GAPVD1: variants seen among roughly 807,000 people sequenced by gnomAD.
GAPVD1 encodes GTPase-activating protein and VPS9 domain-containing protein 1.
GAPVD1 carries 35 observed loss-of-function variants against 155.5 expected under a neutral mutation model. The observed-to-expected ratio is 0.23, with a 90% CI of 0.17 to 0.30. GAPVD1 has a LOEUF of 0.30. Ranked by LOEUF, GAPVD1 falls within the 10% of genes least tolerant of loss-of-function variation. The pLI is 1.00. For missense variants in GAPVD1, 1,429 were observed against 1,775.7 expected (o/e 0.80, Z 3.51); for synonymous variants, 636 against 619.7 (o/e 1.03, Z -0.39).
intron 2 of GAPVD1, among the ~76,000 whole-genome samples, chr9:125,287,205 G>A (rs933194322): frequency 2.6e-5 from 4 of 152,024 alleles, no homozygotes; most frequent in Admixed American, 2.6e-4. Flanking sequence ...CTGCATGAGA[G>A]GGGGCCAGAT....
chr9:125,355,906 C>T, intron 25 of GAPVD1, 49 bp downstream of exon 25: 2 of 1,004,438 alleles, frequency 2.0e-6, no homozygotes, highest in Non-Finnish European at 3.2e-6. Flanking sequence ...TAGGGATCTA[C>T]CAGGTAGCCC....
At chr9:125,337,829 A>T (rs992715869) in intron 17 of GAPVD1, among the ~76,000 whole-genome samples, 1 of 152,128 alleles carries the variant, frequency 6.6e-6, no homozygotes, top group Non-Finnish European at 1.5e-5. Context: ...GCAATTTTGT[A>T]TCTGATTTTA....
Position 125,337,070 on chromosome 9 carries a change from G to T in GAPVD1, c.2481G>T (p.Met827Ile). 2 of 1,613,272 alleles carry T rather than the reference G, an allele frequency of 1.2e-6. No individual in the cohort carries two copies. Among genetic ancestry groups the T allele is most frequent in the Non-Finnish European group, 1.7e-6 (2 of 1,179,232 alleles). Residue 827 changes from methionine to isoleucine, a missense_variant, in exon 16 of 28, where the codon ATG becomes ATT. Physicochemically the swap from Met to Ile is conservative, Grantham distance 10 (BLOSUM62 1). Around this residue, in one of 4 missense-constraint regions of GAPVD1, gnomAD observed 699 missense variants for 826.0 expected, o/e 0.85. Coordinates refer to ENST00000297933, the MANE Select transcript of GAPVD1 (RefSeq NM_001282680.3). ...PPSQSESLLA[M>I]FDPLSSHEGA... is the part of the protein sequence containing the mutation. ...CTCAGTCAGAGTCTCTGCTGGCCAT[G>T]TTTGATCCACTGTCTTCACATGAAG...
chr9:125,345,267 A>T (rs189887450), intron 19 of GAPVD1, among the ~76,000 whole-genome samples: 1 of 149,128 alleles, frequency 6.7e-6, no homozygotes, highest in Non-Finnish European at 1.5e-5. Flanking sequence ...TGCAATCTCT[A>T]TCTCCTGGGT....
Position 125,302,111 on chromosome 9 carries a change from A to G in GAPVD1, c.314A>G (p.Glu105Gly). ...GGAGAATTCTTGAGTCGATTGAGGGAAAATCCTCGTCTTATTGCCTCCTCT... is the reference window on the plus strand; with the variant it reads ...GGAGAATTCTTGAGTCGATTGAGGGGAAATCCTCGTCTTATTGCCTCCTCT... ...AYGEFLSRLR[E>G]NPRLIASSLV... The change falls in exon 5 of 28, where the codon GAA (glutamate) becomes GGA (glycine). Residue 105 changes from glutamate to glycine, a missense_variant. Coordinates refer to ENST00000297933, the MANE Select transcript of GAPVD1 (RefSeq NM_001282680.3). 6.2e-7 allele frequency: 1 copy of G among 1,613,952 alleles called. No homozygotes were observed. The highest frequency in any genetic ancestry group is 2.2e-5 in the East Asian group (1 of 44,862).
intron 2 of GAPVD1, among the ~76,000 whole-genome samples, chr9:125,277,896 G>A (rs1311615955): frequency 2.0e-5 from 3 of 151,962 alleles, no homozygotes; most frequent in African/African-American, 4.8e-5. Context: ...TTGAACTACT[G>A]TACTCAAGTG....
intron 12 of GAPVD1, 63 bp from the exon 13 acceptor site, chr9:125,330,015 C>T (rs369181195): frequency 4.3e-6 from 6 of 1,398,120 alleles, no homozygotes; most frequent in Non-Finnish European, 5.9e-6. Flanking sequence ...TGGCTTTTCT[C>T]CACTATCACT....
At chr9:125,324,911 T>C (rs1033808936) in intron 11 of GAPVD1, among the ~76,000 whole-genome samples, 7 of 151,964 alleles carry the variant, frequency 4.6e-5, no homozygotes, top group Non-Finnish European at 8.8e-5. Context: ...TGAAAGAGTT[T>C]TTTGGATTTG....
chr9:125,300,378 C>T (rs1057264742), intron 4 of GAPVD1, among the ~76,000 whole-genome samples: 2 of 151,282 alleles, frequency 1.3e-5, no homozygotes, highest in South Asian at 4.2e-4. Flanking sequence ...GACGGGGTTT[C>T]ACCATGTTGG....
intron 13 of GAPVD1, 99 bp from the exon 14 acceptor site, chr9:125,331,827 T>C: frequency 9.5e-7 from 1 of 1,049,630 alleles, no homozygotes; most frequent in South Asian, 1.3e-5. Flanking sequence ...ACTGATTTTA[T>C]TCATGCCCTG....
intron 2 of GAPVD1, among the ~76,000 whole-genome samples, chr9:125,272,032 CT>C (rs1358726675): frequency 6.6e-6 from 1 of 151,188 alleles, no homozygotes; most frequent in East Asian, 1.9e-4. Context: ...TACATTAATT[CT>C]TTTTTTTTGA....
In GAPVD1 at chr9:125,312,541, C is replaced by A; in HGVS notation, c.1531C>A (p.Pro511Thr). 1 of 1,610,372 alleles carries A rather than the reference C, an allele frequency of 6.2e-7. No individual in the cohort carries two copies. Among genetic ancestry groups the A allele is most frequent in the Non-Finnish European group, 8.5e-7 (1 of 1,178,566 alleles). ...TCAAGAAACCATTCAGGAGGTGCAA[C>A]CAGAAGAGGTGTTGGTCATTTCCTT... ...SSQETIQEVQ[P>T]EEVLVISLGT... Residue 511 changes from proline to threonine, a missense_variant, in exon 9 of 28, where the codon CCA (proline) becomes ACA (threonine). Transcript: ENST00000297933.
intron 13 of GAPVD1, among the ~76,000 whole-genome samples, chr9:125,331,562 T>C (rs945575265): frequency 3.3e-5 from 5 of 152,148 alleles, no homozygotes; most frequent in African/African-American, 4.8e-5. Flanking sequence ...TTGGGGACAA[T>C]AGGATTAGCT....
At position 125,366,739 on chromosome 9, in the gene GAPVD1, T is replaced by G. The variant is rs1273158156; in HGVS notation, c.*3993T>G. 1 of 152,172 alleles carries G rather than the reference T, an allele frequency of 6.6e-6. No homozygotes were observed. Among genetic ancestry groups the G allele is most frequent in the Non-Finnish European group, 1.5e-5 (1 of 68,038 alleles). The allele number at this position is 152,172 out of a possible 1,614,324, so 9.4% of individuals were successfully genotyped here. A position where few individuals can be genotyped will look rare whatever the true frequency, so the allele number is the denominator to read the frequency against. ...CAGGTTAAAAATTACTTAATATATT[T>G]TAGAATGTAGGTTAGAAAGTAGTAG... On this transcript the variant is annotated 3_prime_UTR_variant, in exon 28 of 28. Coordinates refer to ENST00000297933, the MANE Select transcript of GAPVD1 (RefSeq NM_001282680.3).
chr9:125,362,760 C>A lies in GAPVD1; in HGVS notation c.*14C>A. ...GACCGAAAGTGACCAAGACCAAGGC[C>A]CACCAAGGCAGCAGACTGTTAATCA... On this transcript the variant is annotated 3_prime_UTR_variant, in exon 28 of 28. Coordinates refer to ENST00000297933, the MANE Select transcript of GAPVD1 (RefSeq NM_001282680.3). 6.2e-7 allele frequency: 1 copy of A among 1,610,766 alleles called. No individual in the cohort carries two copies. The highest frequency in any genetic ancestry group is 8.5e-7 in the Non-Finnish European group (1 of 1,178,374).
At chr9:125,310,274 G>A (rs1842472268) in intron 8 of GAPVD1, among the ~76,000 whole-genome samples, 2 of 152,132 alleles carry the variant, frequency 1.3e-5, no homozygotes, top group South Asian at 2.1e-4. Context: ...GGAAATTGAT[G>A]TGTGCTCTGA....
intron 27 of GAPVD1, among the ~76,000 whole-genome samples, chr9:125,361,032 T>G (rs2132711545): frequency 1.3e-5 from 2 of 152,234 alleles, no homozygotes; most frequent in East Asian, 3.9e-4. Context: ...CAGCGAATTT[T>G]TTTTCATTTT....
chr9:125,352,027 C>T (rs549925007), intron 23 of GAPVD1, among the ~76,000 whole-genome samples: 2 of 152,228 alleles, frequency 1.3e-5, no homozygotes, highest in South Asian at 2.1e-4. Flanking sequence ...AGGTGTCAGC[C>T]ACCACACCCA....
At chr9:125,358,241 G>A (rs139036311) in intron 25 of GAPVD1, among the ~76,000 whole-genome samples, 1 of 152,066 alleles carries the variant, frequency 6.6e-6, no homozygotes, top group African/African-American at 2.4e-5. Flanking sequence ...GAGTAGCTGG[G>A]ATTACAGGCA....
Sources: allele counts gnomAD v4.1 joint callset (sites outside exome capture counted in the v4.1 genomes callset), GRCh38; gene constraint gnomAD v4.1.1; regional missense constraint gnomAD v4.1.1; transcripts MANE v1.5; gene names NCBI Gene and HGNC (gene_info 2026-07-23, HGNC 2026-07-21).